The following COL10A1 variants were observed in gnomAD, a reference collection of about 807,000 sequenced individuals.
COL10A1 encodes collagen type X alpha 1 chain, also known as collagen alpha-1(X) chain.
A neutral mutation model predicts 18.2 loss-of-function variants in COL10A1; 10 were observed. That is an observed-to-expected ratio of 0.55 (90% CI 0.34 to 0.93). COL10A1 has a LOEUF of 0.93. Ranked by LOEUF, COL10A1 falls within the 40% of genes least tolerant of loss-of-function variation. The pLI, the probability that COL10A1 is intolerant of heterozygous loss-of-function variation, is 0.02. For synonymous variants in COL10A1, 330 were observed against 316.6 expected, an observed-to-expected ratio of 1.04 and a Z score of -0.45; for missense variants, 897 against 853.5, an observed-to-expected ratio of 1.05 and a Z score of -0.64.
At chr6:116,210,472 G>A in the COL10A1 span, among the ~76,000 whole-genome samples, 4 of 152,046 alleles carry the variant, frequency 2.6e-5, no homozygotes, top group Non-Finnish European at 5.9e-5. Flanking sequence ...CAGACCGCCT[G>A]CATTCAAATT....
the COL10A1 span, among the ~76,000 whole-genome samples, chr6:116,204,837 G>A: frequency 1.1e-3 from 169 of 152,052 alleles, no homozygotes; most frequent in Middle Eastern, 0.017. Flanking sequence ...GTGTGTAGTA[G>A]GTGCTCAGTA....
upstream of COL10A1, among the ~76,000 whole-genome samples, chr6:116,127,349 C>A (rs567538782): frequency 2.7e-4 from 41 of 152,128 alleles, no homozygotes; most frequent in African/African-American, 9.9e-4. Context: ...CATCTCATTG[C>A]CTCTCTCCTC....
the COL10A1 span, among the ~76,000 whole-genome samples, chr6:116,176,813 G>A: frequency 6.6e-6 from 1 of 152,106 alleles, no homozygotes; most frequent in Non-Finnish European, 1.5e-5. Flanking sequence ...CCCCCTAGAG[G>A]GACAGATACA....
At chr6:116,192,387 A>G in the COL10A1 span, among the ~76,000 whole-genome samples, 3 of 152,018 alleles carry the variant, frequency 2.0e-5, no homozygotes, top group African/African-American at 7.2e-5. Context: ...TTAAGATGCC[A>G]TTTCTACTTT....
the COL10A1 span, among the ~76,000 whole-genome samples, chr6:116,208,504 A>G: frequency 6.6e-6 from 1 of 151,990 alleles, no homozygotes; most frequent in East Asian, 1.9e-4. Flanking sequence ...AAACATTCCT[A>G]TTTCTTGCAC....
chr6:116,193,451 C>G, the COL10A1 span, among the ~76,000 whole-genome samples: 1 of 152,058 alleles, frequency 6.6e-6, no homozygotes, highest in Non-Finnish European at 1.5e-5. Flanking sequence ...TTGCAACTTG[C>G]TTGCTGTGTG....
chr6:116,183,386 G>A, the COL10A1 span, among the ~76,000 whole-genome samples: 1 of 151,854 alleles, frequency 6.6e-6, no homozygotes, highest in African/African-American at 2.4e-5. Context: ...TGAATTTTAG[G>A]ACTTTTTTCT....
At chr6:116,172,768 A>G in the COL10A1 span, among the ~76,000 whole-genome samples, 40 of 152,326 alleles carry the variant, frequency 2.6e-4, no homozygotes, top group African/African-American at 9.4e-4. Context: ...CTCAGGCATC[A>G]AAAATAGTCA....
the COL10A1 span, among the ~76,000 whole-genome samples, chr6:116,194,417 C>T: frequency 9.2e-5 from 14 of 151,760 alleles, no homozygotes; most frequent in East Asian, 1.9e-4. Context: ...TTGACAATTT[C>T]GGGAAAAAAA....
At chr6:116,123,067 G>A (rs1345238608) in intron 2 of COL10A1, among the ~76,000 whole-genome samples, 2 of 152,102 alleles carry the variant, frequency 1.3e-5, no homozygotes, top group East Asian at 3.8e-4. Flanking sequence ...ATGGGTTGGA[G>A]GAATAAAATA....
chr6:116,165,630 CT>C, the COL10A1 span, among the ~76,000 whole-genome samples: 2 of 152,220 alleles, frequency 1.3e-5, no homozygotes. Context: ...GATGACCCCC[CT>C]CTACATCTGT....
At chr6:116,178,101 G>A in the COL10A1 span, among the ~76,000 whole-genome samples, 14 of 99,044 alleles carry the variant, frequency 1.4e-4, no homozygotes, top group South Asian at 1.6e-3. Context: ...GCGCGCGCGC[G>A]CGTGCGTGCG....
the COL10A1 span, among the ~76,000 whole-genome samples, chr6:116,192,789 G>A: frequency 4.3e-3 from 652 of 151,974 alleles, 5 homozygotes; most frequent in Non-Finnish European, 7.4e-3. Context: ...CCTCTATTAC[G>A]ATTTCCTCCT....
At chr6:116,143,880 TTC>T (rs1779826545) in intron 1 of COL10A1, among the ~76,000 whole-genome samples, 1 of 152,322 alleles carries the variant, frequency 6.6e-6, no homozygotes, top group African/African-American at 2.4e-5. Flanking sequence ...GTGTTGTGTT[TTC>T]TCTGTTAGAT....
chr6:116,178,052 A>AGAGTGT, the COL10A1 span, among the ~76,000 whole-genome samples: 1 of 136,318 alleles, frequency 7.3e-6, no homozygotes, highest in East Asian at 2.2e-4. Context: ...CAAAGAGGAA[A>AGAGTGT]GTGTGTGTGT....
chr6:116,123,990 A>C (rs3828742), intron 2 of COL10A1, among the ~76,000 whole-genome samples: 1 of 152,068 alleles, frequency 6.6e-6, no homozygotes, highest in Non-Finnish European at 1.5e-5. Flanking sequence ...AGCATTTCAA[A>C]TTGTGTTTGT....
chr6:116,154,357 G>A (rs1272207695), intron 1 of COL10A1, among the ~76,000 whole-genome samples: 6 of 151,960 alleles, frequency 3.9e-5, no homozygotes, highest in African/African-American at 1.5e-4. Context: ...TCCTAACACC[G>A]TCCATGGTCA....
chr6:116,136,285 T>C (rs1779598662), intron 1 of COL10A1, among the ~76,000 whole-genome samples: 1 of 152,192 alleles, frequency 6.6e-6, no homozygotes, highest in African/African-American at 2.4e-5. Flanking sequence ...TTTTTAAGGC[T>C]GAATAATATT....
At chr6:116,166,529 G>A in the COL10A1 span, among the ~76,000 whole-genome samples, 1 of 152,210 alleles carries the variant, frequency 6.6e-6, no homozygotes, top group African/African-American at 2.4e-5. Context: ...ATTGCTAGAG[G>A]CTGAGTGTTG....
Sources: gnomAD v4.1 joint callset for allele counts (sites outside exome capture counted in the v4.1 genomes callset) on GRCh38, gnomAD v4.1.1 for gene constraint, MANE v1.5 for transcripts, NCBI Gene and HGNC (gene_info 2026-07-23, HGNC 2026-07-21) for gene names.